The following PPM1L variants were observed in gnomAD, a reference collection of about 807,000 sequenced individuals.
PPM1L encodes protein phosphatase 1L.
PPM1L carries 13 observed loss-of-function variants against 31.4 expected under a neutral mutation model. The ratio of observed to expected loss-of-function variants is 0.41; its 90% confidence interval spans 0.27 to 0.66. The LOEUF (loss-of-function observed/expected upper bound fraction) is 0.66. Ranked by LOEUF, PPM1L falls within the 30% of genes least tolerant of loss-of-function variation. The pLI, the probability that PPM1L is intolerant of heterozygous loss-of-function variation, is 0.29. For synonymous variants in PPM1L, 184 were observed against 175.4 expected (o/e 1.05, Z -0.39); for missense variants, 326 against 453.7 (o/e 0.72, Z 2.56).
At chr3:160,810,247 C>T (rs903086508) in intron 1 of PPM1L, among the ~76,000 whole-genome samples, 1 of 152,060 alleles carries the variant, frequency 6.6e-6, no homozygotes, top group Non-Finnish European at 1.5e-5. Flanking sequence ...TCCTGACTGT[C>T]CTGTCCCTCA....
intron 1 of PPM1L, among the ~76,000 whole-genome samples, chr3:160,833,645 G>GT (rs1430770774): frequency 6.6e-6 from 1 of 151,608 alleles, no homozygotes; most frequent in East Asian, 1.9e-4. Context: ...TTGTAAATTT[G>GT]TTTAAGTTCC....
At chr3:160,835,039 A>ACTTCTT (rs201253772) in intron 1 of PPM1L, among the ~76,000 whole-genome samples, 12,020 of 131,636 alleles carry the variant, frequency 0.091, 615 homozygotes, top group East Asian at 0.12. Context: ...TACTACTACT[A>ACTTCTT]CTTCTTCTTC....
chr3:160,984,306 T>C (rs557905598), intron 2 of PPM1L, among the ~76,000 whole-genome samples: 1 of 152,308 alleles, frequency 6.6e-6, no homozygotes, highest in Admixed American at 6.5e-5. Flanking sequence ...GCGATACTTC[T>C]CTTACCCATT....
chr3:160,788,517 A>G (rs1712002865), intron 1 of PPM1L, among the ~76,000 whole-genome samples: 1 of 150,434 alleles, frequency 6.6e-6, no homozygotes, highest in African/African-American at 2.5e-5. Flanking sequence ...TGCTACCAAT[A>G]TATTTTGTAG....
intron 2 of PPM1L, among the ~76,000 whole-genome samples, chr3:161,021,116 A>G (rs767995818): frequency 3.3e-5 from 5 of 151,422 alleles, no homozygotes; most frequent in Non-Finnish European, 5.9e-5. Flanking sequence ...CTTATTTTCT[A>G]GTTTCTTAGG....
At chr3:160,913,361 T>C (rs1029144005) in intron 1 of PPM1L, among the ~76,000 whole-genome samples, 1 of 152,166 alleles carries the variant, frequency 6.6e-6, no homozygotes, top group African/African-American at 2.4e-5. Flanking sequence ...TCACCTATAT[T>C]TTTTAGTTTT....
At chr3:160,996,138 A>G (rs1195701127) in intron 2 of PPM1L, among the ~76,000 whole-genome samples, 2 of 152,224 alleles carry the variant, frequency 1.3e-5, no homozygotes, top group Non-Finnish European at 2.9e-5. Context: ...CTCAAAAAAT[A>G]ATAGATGTTG....
chr3:160,797,956 G>A (rs1177068641), intron 1 of PPM1L, among the ~76,000 whole-genome samples: 1 of 152,182 alleles, frequency 6.6e-6, no homozygotes, highest in East Asian at 1.9e-4. Flanking sequence ...AAGGCGGGCG[G>A]ATCATGAGGT....
chr3:160,774,919 G>A (rs558919847), intron 1 of PPM1L, among the ~76,000 whole-genome samples: 4 of 152,302 alleles, frequency 2.6e-5, no homozygotes, highest in East Asian at 3.9e-4. Context: ...TTGTGTTCCA[G>A]TGATAATGAT....
chr3:160,932,036 A>G (rs747147200), intron 1 of PPM1L, among the ~76,000 whole-genome samples: 3 of 151,960 alleles, frequency 2.0e-5, no homozygotes, highest in Non-Finnish European at 4.4e-5. Context: ...TCTTCCACTA[A>G]TTTATTTTAT....
chr3:160,760,378 AC>A (rs5853899), intron 1 of PPM1L, among the ~76,000 whole-genome samples: 2,788 of 152,230 alleles, frequency 0.018, 35 homozygotes, highest in Middle Eastern at 0.037. Flanking sequence ...ATGTCTCTGG[AC>A]TTTTTATGCT....
intron 2 of PPM1L, among the ~76,000 whole-genome samples, chr3:161,048,564 G>A (rs1280493979): frequency 6.6e-6 from 1 of 152,128 alleles, no homozygotes; most frequent in Non-Finnish European, 1.5e-5. Flanking sequence ...ATTTGACCCA[G>A]CCATCTCATT....
At chr3:161,056,421 G>A (rs1389149676) in intron 2 of PPM1L, among the ~76,000 whole-genome samples, 1 of 152,024 alleles carries the variant, frequency 6.6e-6, no homozygotes, top group African/African-American at 2.4e-5. Flanking sequence ...TGTATACTTT[G>A]CTTGATGCAG....
chr3:160,970,459 T>C (rs948863497), intron 2 of PPM1L, among the ~76,000 whole-genome samples: 1 of 150,314 alleles, frequency 6.7e-6, no homozygotes, highest in Non-Finnish European at 1.5e-5. Flanking sequence ...TTTTTTTTTT[T>C]TTTTTTTTGA....
intron 1 of PPM1L, among the ~76,000 whole-genome samples, chr3:160,941,375 G>GC (rs540808301): frequency 8.5e-5 from 13 of 152,266 alleles, no homozygotes; most frequent in Non-Finnish European, 1.6e-4. Context: ...AGAATGACAT[G>GC]CTTGGCTGTG....
intron 1 of PPM1L, among the ~76,000 whole-genome samples, chr3:160,777,707 G>A (rs1002448635): frequency 3.9e-5 from 6 of 152,128 alleles, no homozygotes; most frequent in Non-Finnish European, 8.8e-5. Flanking sequence ...TCGTTTTTAA[G>A]GTCAAATAAT....
intron 2 of PPM1L, among the ~76,000 whole-genome samples, chr3:160,995,806 G>A (rs1039442208): frequency 6.6e-6 from 1 of 152,146 alleles, no homozygotes; most frequent in Admixed American, 6.5e-5. Flanking sequence ...GGTTTTGTGG[G>A]TTGATAAATC....
intron 2 of PPM1L, among the ~76,000 whole-genome samples, chr3:161,046,789 G>A (rs1186847274): frequency 2.6e-5 from 4 of 152,050 alleles, no homozygotes; most frequent in East Asian, 3.8e-4. Flanking sequence ...TTCAACATAC[G>A]CAAATCAATA....
At position 160,768,085 on chromosome 3, in the gene PPM1L, T is replaced by C. The variant is rs565333498; in HGVS notation, c.399+11378T>C. On this transcript the variant is annotated intron_variant, in intron 1 of 3. Coordinates refer to ENST00000498165, the MANE Select transcript of PPM1L (RefSeq NM_139245.4). ...CTATAACAGCTGGTTTACATAGTTA[T>C]ATGATAGATATGTTCCAGAGTTTGA... Among the ~76,000 whole-genome samples, 4 of 152,310 alleles carry C rather than the reference T, an allele frequency of 2.6e-5. 1 individual carries two copies. The highest frequency in any genetic ancestry group is 9.6e-5 in the African/African-American group (4 of 41,574).
Sources: allele counts gnomAD v4.1 joint callset (sites outside exome capture counted in the v4.1 genomes callset), GRCh38; gene constraint gnomAD v4.1.1; transcripts MANE v1.5; gene names NCBI Gene and HGNC (gene_info 2026-07-23, HGNC 2026-07-21).